Variants in ADAP2 observed in about 807,000 individuals in gnomAD.
ADAP2 encodes ArfGAP with dual PH domains 2.
In ADAP2, 42 loss-of-function variants were observed where a neutral mutation model predicts 54.9. The ratio of observed to expected loss-of-function variants is 0.77; its 90% confidence interval spans 0.60 to 0.99. The LOEUF (loss-of-function observed/expected upper bound fraction) is 0.99, where lower values mean the gene tolerates loss of function less well. Among genes scored for constraint, ADAP2 ranks in the 50% least tolerant of loss-of-function variants. The pLI, the probability that ADAP2 is intolerant of heterozygous loss-of-function variation, is 0.00. For synonymous variants in ADAP2, 177 were observed against 180.1 expected (o/e 0.98, Z 0.14); for missense variants, 429 against 480.4 (o/e 0.89, Z 1.00).
chr17:30,937,036 C>A (rs1401364965), intron 5 of ADAP2, among the ~76,000 whole-genome samples: 1 of 152,036 alleles, frequency 6.6e-6, no homozygotes, highest in African/African-American at 2.4e-5. Flanking sequence ...TCAAGCAATT[C>A]TTTGCCTCAG....
intron 2 of ADAP2, among the ~76,000 whole-genome samples, chr17:30,925,183 ATTTTTTTT>A (rs57259969): frequency 3.1e-5 from 3 of 98,142 alleles, no homozygotes; most frequent in Admixed American, 1.2e-4. Flanking sequence ...CGTGCCCAGC[ATTTTTTTT>A]TTTTTTTTTT....
At chr17:30,925,588 T>C (rs951884170) in intron 2 of ADAP2, among the ~76,000 whole-genome samples, 9 of 151,442 alleles carry the variant, frequency 5.9e-5, no homozygotes, top group Admixed American at 3.3e-4. Context: ...TCTTTTCTTT[T>C]CTTTCTTTCT....
In ADAP2 at chr17:30,956,359, C is replaced by T. The variant is rs1297102547; in HGVS notation, c.1001C>T (p.Thr334Ile). 28 of 1,614,082 alleles carry T rather than the reference C, an allele frequency of 1.7e-5. No individual in the cohort carries two copies. Among genetic ancestry groups the T allele is most frequent in the Non-Finnish European group, 2.4e-5 (28 of 1,180,046 alleles). The change falls in exon 10 of 11, where the codon ACC becomes ATC. Residue 334 changes from threonine (T) to isoleucine (I), a missense_variant. By Grantham distance (89) the Thr-to-Ile change is moderately conservative (BLOSUM62 -1). Coordinates refer to ENST00000330889, the MANE Select transcript of ADAP2 (RefSeq NM_018404.3). The stretch of plus-strand genomic sequence containing the variant: ...TGGAAAGCCGGACTCACCATTGTCA[C>T]CCCAGAGCGGAGATTTGTCCTCACT... The part of the protein sequence containing the change: ...NRWKAGLTIV[T>I]PERRFVLTCP...
Position 30,957,944 on chromosome 17 carries a change from G to A in ADAP2, c.*75G>A, listed in dbSNP as rs1905192719. The A allele has an allele frequency of 7.0e-7, 1 of 1,423,094 alleles. No homozygotes were observed. The highest frequency in any genetic ancestry group is 9.8e-7 in the Non-Finnish European group (1 of 1,021,532). 88.2% of individuals were successfully genotyped at this position (1,423,094 alleles called of 1,614,324 possible). On this transcript the variant is annotated 3_prime_UTR_variant, in exon 11 of 11. Transcript: ENST00000330889. ...GGAAGAAGTTTGCACCTCGGCCCTG[G>A]CTGCCCACCATCAGTGCCCCGCAGT...
At chr17:30,941,923 T>C (rs1332137959) in intron 5 of ADAP2, among the ~76,000 whole-genome samples, 2 of 152,022 alleles carry the variant, frequency 1.3e-5, no homozygotes, top group African/African-American at 2.4e-5. Context: ...TTTTTTTTTT[T>C]CGAGATGGAG....
chr17:30,930,227 A>G (rs1018515166), intron 3 of ADAP2, among the ~76,000 whole-genome samples: 1 of 151,418 alleles, frequency 6.6e-6, no homozygotes. Flanking sequence ...ACGTGCCACC[A>G]TGCCCAGCTA....
chr17:30,945,135 A>C, intron 6 of ADAP2, 82 bp downstream of exon 6: 2 of 1,498,384 alleles, frequency 1.3e-6, no homozygotes, highest in Non-Finnish European at 9.1e-7. Context: ...TCCCCTGCTC[A>C]CTGGTGCTGT....
chr17:30,924,926 G>T (rs901343711), intron 2 of ADAP2, among the ~76,000 whole-genome samples: 7 of 148,796 alleles, frequency 4.7e-5, no homozygotes, highest in African/African-American at 1.8e-4. Context: ...AGGCTGGAGT[G>T]CAATGATGCG....
chr17:30,922,526 G>T (rs897415603), intron 1 of ADAP2, among the ~76,000 whole-genome samples: 4 of 152,156 alleles, frequency 2.6e-5, no homozygotes, highest in Non-Finnish European at 5.9e-5. Context: ...CTAAACGTCG[G>T]GCCCAGGCCG....
intron 3 of ADAP2, among the ~76,000 whole-genome samples, chr17:30,930,935 C>A (rs8072710): frequency 6.6e-6 from 1 of 152,114 alleles, no homozygotes; most frequent in Non-Finnish European, 1.5e-5. Context: ...TCTCAACAAC[C>A]CTGAGGGCTA....
chr17:30,958,730 G>GA lies in ADAP2; in HGVS notation c.*870dup, dbSNP rs754504120. On this transcript the variant is annotated 3_prime_UTR_variant, in exon 11 of 11. Transcript: ENST00000330889. ...CATAGTGAGACCCCATCTCTACAAA[G>GA]AAAAAAAAATTAGCTGGACATGGTA... The GA allele has an allele frequency of 1.3e-3, 196 of 151,166 alleles. 1 individual carries two copies. The highest frequency in any genetic ancestry group is 2.4e-3 in the Non-Finnish European group (163 of 67,770). 9.4% of individuals were successfully genotyped at this position (151,166 alleles called of 1,614,324 possible).
At chr17:30,952,588 C>T (rs941358404) in intron 7 of ADAP2, among the ~76,000 whole-genome samples, 3 of 152,106 alleles carry the variant, frequency 2.0e-5, no homozygotes, top group Non-Finnish European at 4.4e-5. Context: ...GTTGGCCAGG[C>T]TAGTCTCAAA....
chr17:30,932,917 A>G (rs749746506), intron 4 of ADAP2, among the ~76,000 whole-genome samples: 50 of 152,148 alleles, frequency 3.3e-4, no homozygotes, highest in Non-Finnish European at 4.4e-4. Flanking sequence ...GGACAGACCA[A>G]TTAGGAAAAG....
At chr17:30,926,530 C>T (rs1182170927) in intron 2 of ADAP2, among the ~76,000 whole-genome samples, 3 of 152,106 alleles carry the variant, frequency 2.0e-5, no homozygotes, top group Admixed American at 6.6e-5. Flanking sequence ...TAACCTAACC[C>T]GTCTGAGCCT....
intron 5 of ADAP2, among the ~76,000 whole-genome samples, chr17:30,938,716 C>T (rs1912057782): frequency 6.6e-6 from 1 of 152,050 alleles, no homozygotes. Context: ...TTATATATTC[C>T]CCCTGTTGCT....
chr17:30,945,029 G>T lies in ADAP2; in HGVS notation c.633G>T (p.Leu211=), dbSNP rs1163617284. ...TYRRDGHTRN[L]FVYHESGKEI... ...GGAGAGATGGCCACACCAGGAACCT[G>T]TTTGTGTATCATGAAAGTGGGAAGG... Residue 211 remains leucine, a synonymous_variant, in exon 6 of 11, where the codon CTG becomes CTT. Transcript: ENST00000330889. The T allele has an allele frequency of 3.7e-6, 6 of 1,614,042 alleles. No homozygotes were observed. Among genetic ancestry groups the T allele is most frequent in the Non-Finnish European group, 5.1e-6 (6 of 1,180,004 alleles).
chr17:30,945,003 A>C lies in ADAP2; in HGVS notation c.607A>C (p.Arg203=), dbSNP rs1459151212. 2 of 1,614,038 alleles carry C rather than the reference A, an allele frequency of 1.2e-6. No individual in the cohort carries two copies. Among genetic ancestry groups the C allele is most frequent in the African/African-American group, 1.3e-5 (1 of 74,920 alleles). ...GHPHGLQITY[R]RDGHTRNLFV... is the part of the protein sequence containing the mutation. ...CCCCCATGGGCTGCAGATCACCTAC[A>C]GGAGAGATGGCCACACCAGGAACCT... Residue 203 remains arginine (R), a synonymous_variant, in exon 6 of 11, where the codon AGG becomes CGG. Transcript: ENST00000330889.
At chr17:30,948,085 G>A (rs949088363) in intron 6 of ADAP2, among the ~76,000 whole-genome samples, 4 of 152,300 alleles carry the variant, frequency 2.6e-5, no homozygotes, top group South Asian at 2.1e-4. Flanking sequence ...AATGTTTTGC[G>A]TAAAAGGTGT....
In ADAP2 at chr17:30,956,430, G is replaced by A. The variant is rs1385108915; in HGVS notation, c.1072G>A (p.Gly358Ser). The A allele has an allele frequency of 3.7e-6, 6 of 1,614,166 alleles. No homozygotes were observed. The highest frequency in any genetic ancestry group is 1.3e-5 in the African/African-American group (1 of 75,048). Residue 358 changes from glycine (G) to serine (S), a missense_variant, in exon 10 of 11, where the codon GGT becomes AGT. Physicochemically the swap from Gly to Ser is moderately conservative, Grantham distance 56. Transcript: ENST00000330889. Reference protein sequence around the residue: ...EQQEWLESLRGVLSSPLTPLN... With the variant: ...EQQEWLESLRSVLSSPLTPLN... Reference sequence around the variant, plus strand: ...GCAGGAATGGCTGGAAAGTTTGCGGGGTGTCCTGTCCAGCCCCTTGACGCC... The same window carrying A: ...GCAGGAATGGCTGGAAAGTTTGCGGAGTGTCCTGTCCAGCCCCTTGACGCC...
Sources: gnomAD v4.1 joint callset for allele counts (sites outside exome capture counted in the v4.1 genomes callset) on GRCh38, gnomAD v4.1.1 for gene constraint, MANE v1.5 for transcripts, NCBI Gene and HGNC (gene_info 2026-07-23, HGNC 2026-07-21) for gene names.